PCDHA4: variants seen among roughly 807,000 people sequenced by gnomAD.
The protein encoded by PCDHA4 is protocadherin alpha 4.
A neutral mutation model predicts 61.4 loss-of-function variants in PCDHA4; 49 were observed. The ratio of observed to expected loss-of-function variants is 0.80; its 90% confidence interval spans 0.63 to 1.01. PCDHA4 has a LOEUF of 1.01. PCDHA4 is among the 50% of genes least tolerant of loss of function. The probability of loss-of-function intolerance (pLI) is 0.00; values close to 1 mark genes in which losing one functional copy is unlikely to be tolerated. For missense variants in PCDHA4, 1,254 were observed against 1,235.8 expected, an observed-to-expected ratio of 1.01 and a Z score of -0.22; for synonymous variants, 590 against 550.3, an observed-to-expected ratio of 1.07 and a Z score of -1.01.
chr5:140,835,776 AAGG>A (rs1266986197), intron 1 of PCDHA4: 2 of 1,613,090 alleles, frequency 1.2e-6, no homozygotes, highest in South Asian at 1.1e-5. Flanking sequence ...GGTGTTCGTG[AAGG>A]AGAACAACCC....
At chr5:140,968,125 T>G in intron 1 of PCDHA4, 2 of 1,614,174 alleles carry the variant, frequency 1.2e-6, no homozygotes, top group South Asian at 2.2e-5. Flanking sequence ...CATCCCTGCG[T>G]ACACTGAAGG....
At position 140,808,887 on chromosome 5, in the gene PCDHA4, C is replaced by G. The variant is rs782248203; in HGVS notation, c.1700C>G (p.Ala567Gly). The change falls in exon 1 of 4, where the codon GCG (alanine) becomes GGG (glycine). Residue 567 changes from alanine to glycine, a missense_variant. By Grantham distance (60) the Ala-to-Gly change is moderately conservative (BLOSUM62 0). Transcript: ENST00000530339. The stretch of plus-strand genomic sequence containing the variant: ...AACGACAACGCGCCAGCACTGCTAG[C>G]GCCTCGGGCGGGTGGCACTGGTGGC... ...DENDNAPALL[A>G]PRAGGTGGAV... is the part of the protein sequence containing the mutation. The G allele has an allele frequency of 1.2e-6, 2 of 1,613,290 alleles. No homozygotes were observed. The highest frequency in any genetic ancestry group is 1.7e-6 in the Non-Finnish European group (2 of 1,179,872).
At chr5:140,894,143 T>G (rs1322881071) in intron 1 of PCDHA4, among the ~76,000 whole-genome samples, 1 of 152,158 alleles carries the variant, frequency 6.6e-6, no homozygotes, top group Non-Finnish European at 1.5e-5. Flanking sequence ...ATAATTCCCT[T>G]CTATGTAATT....
At chr5:140,830,160 A>T in intron 1 of PCDHA4, 1 of 1,613,422 alleles carries the variant, frequency 6.2e-7, no homozygotes, top group Non-Finnish European at 8.5e-7. Context: ...GCGGGCCCAG[A>T]GGCGGCGCTG....
intron 1 of PCDHA4, chr5:140,821,817 G>A: frequency 6.2e-7 from 1 of 1,613,974 alleles, no homozygotes; most frequent in African/African-American, 1.3e-5. Context: ...CCCGGCTCCT[G>A]CTGCTCTGGC....
intron 3 of PCDHA4, among the ~76,000 whole-genome samples, chr5:140,990,652 A>T (rs1023448596): frequency 1.3e-4 from 20 of 152,208 alleles, no homozygotes; most frequent in Admixed American, 1.3e-3. Flanking sequence ...GCCAGTATGA[A>T]TGATTTACAT....
At chr5:140,914,944 CTTTT>C (rs35695909) in intron 1 of PCDHA4, among the ~76,000 whole-genome samples, 298 of 128,244 alleles carry the variant, frequency 2.3e-3, no homozygotes, top group African/African-American at 8.2e-3. Flanking sequence ...GAAAAGTTGT[CTTTT>C]TTTTTTTTTT....
intron 1 of PCDHA4, chr5:140,862,685 C>A (rs782248340): frequency 7.2e-6 from 4 of 552,774 alleles, no homozygotes; most frequent in Non-Finnish European, 1.4e-5. Context: ...GTGCTGGTGT[C>A]CTACTCGTTG....
At chr5:140,984,942 A>C (rs1263555467) in intron 3 of PCDHA4, among the ~76,000 whole-genome samples, 1 of 151,954 alleles carries the variant, frequency 6.6e-6, no homozygotes, top group Admixed American at 6.6e-5. Context: ...ATAAATGTCT[A>C]ATCTTTTTTT....
intron 1 of PCDHA4, among the ~76,000 whole-genome samples, chr5:140,821,215 G>A (rs1244036571): frequency 1.3e-5 from 2 of 152,084 alleles, no homozygotes; most frequent in African/African-American, 4.8e-5. Context: ...AATTAGATAT[G>A]TTTAAATAGA....
intron 1 of PCDHA4, among the ~76,000 whole-genome samples, chr5:140,951,536 C>T (rs1260106126): frequency 2.0e-5 from 3 of 151,914 alleles, no homozygotes; most frequent in Admixed American, 6.6e-5. Flanking sequence ...GGTGCAGGAG[C>T]AAGGGACGGG....
In PCDHA4 at chr5:140,868,769, A is replaced by G. The variant is rs144958028; in HGVS notation, c.2385+59197A>G. 95 of 255,700 alleles carry G rather than the reference A, an allele frequency of 3.7e-4. No individual in the cohort carries two copies. In the Middle Eastern group the frequency reaches 9.0e-3, roughly 24 times the overall value. 15.8% of individuals were successfully genotyped at this position (255,700 alleles called of 1,614,324 possible). On this transcript the variant is annotated intron_variant, in intron 1 of 3. Coordinates refer to ENST00000530339, the MANE Select transcript of PCDHA4 (RefSeq NM_018907.4). ...CCATTTCCATATATATTTAGTTTCA[A>G]TATGACTTATAATCTGAATATTCCA... is the stretch of plus-strand genomic sequence containing the variant.
chr5:140,953,267 C>G (rs902465304), intron 1 of PCDHA4, among the ~76,000 whole-genome samples: 4 of 152,068 alleles, frequency 2.6e-5, no homozygotes, highest in African/African-American at 4.8e-5. Flanking sequence ...TTAGCTTTAG[C>G]CTTTGCTCTT....
At chr5:140,988,007 A>G (rs2097277966) in intron 3 of PCDHA4, among the ~76,000 whole-genome samples, 1 of 152,230 alleles carries the variant, frequency 6.6e-6, no homozygotes, top group Non-Finnish European at 1.5e-5. Context: ...TTCCCCAGAA[A>G]GAAAGCATGA....
chr5:140,905,776 GT>G (rs1255347430), intron 1 of PCDHA4, among the ~76,000 whole-genome samples: 1 of 152,068 alleles, frequency 6.6e-6, no homozygotes, highest in African/African-American at 2.4e-5. Flanking sequence ...ATTCCGAAGT[GT>G]ATTAGTCAGG....
chr5:140,875,873 G>C (rs1554168013), intron 1 of PCDHA4: 2 of 1,614,214 alleles, frequency 1.2e-6, no homozygotes, highest in South Asian at 1.1e-5. Context: ...CCGGTGTTCA[G>C]AGAAAGGGAA....
At chr5:140,827,639 AT>A (rs1358782495) in intron 1 of PCDHA4, among the ~76,000 whole-genome samples, 1 of 152,236 alleles carries the variant, frequency 6.6e-6, no homozygotes, top group Non-Finnish European at 1.5e-5. Context: ...AATAGTTTAC[AT>A]TTCTGATTTA....
intron 1 of PCDHA4, chr5:140,884,234 G>T (rs375170723): frequency 3.7e-6 from 6 of 1,613,500 alleles, no homozygotes; most frequent in Non-Finnish European, 4.2e-6. Context: ...GGACCACGGT[G>T]AGCCCGCGCT....
At chr5:140,853,589 C>T (rs1053953271) in intron 1 of PCDHA4, 2 of 986,246 alleles carry the variant, frequency 2.0e-6, no homozygotes, top group Non-Finnish European at 1.2e-6. Context: ...ATCTTAGACA[C>T]TTTGAGAGCA....
Sources: allele counts gnomAD v4.1 joint callset (sites outside exome capture counted in the v4.1 genomes callset), GRCh38; gene constraint gnomAD v4.1.1; transcripts MANE v1.5; gene names NCBI Gene and HGNC (gene_info 2026-07-23, HGNC 2026-07-21).